Variants in NDRG3 observed in about 807,000 individuals in gnomAD.
NDRG3 encodes the protein protein NDRG3.
NDRG3 carries 23 observed loss-of-function variants against 57.2 expected under a neutral mutation model. That is an observed-to-expected ratio of 0.40 (90% CI 0.29 to 0.57). The LOEUF (loss-of-function observed/expected upper bound fraction) is 0.57. Ranked by LOEUF, NDRG3 falls within the 20% of genes least tolerant of loss-of-function variation. NDRG3 has a pLI of 0.42. For synonymous variants in NDRG3, 132 were observed against 162.6 expected (o/e 0.81, Z 1.43); for missense variants, 384 against 457.3 (o/e 0.84, Z 1.46).
chr20:36,705,733 TTTTC>T (rs941702649), intron 3 of NDRG3, among the ~76,000 whole-genome samples: 22 of 152,036 alleles, frequency 1.4e-4, no homozygotes, highest in African/African-American at 5.3e-4. Context: ...TACTCCCATG[TTTTC>T]TTTTTCTTAT....
At chr20:36,682,615 C>T in intron 6 of NDRG3, 37 bp from the exon 7 acceptor site, 1 of 1,574,536 alleles carries the variant, frequency 6.4e-7, no homozygotes, top group Non-Finnish European at 8.7e-7. Flanking sequence ...ACAGAGTCAA[C>T]TTCATTTGCA....
At position 36,666,497 on chromosome 20, in the gene NDRG3, G is replaced by A; in HGVS notation, c.589-105C>T. The A allele has an allele frequency of 3.8e-6, 3 of 779,440 alleles. No homozygotes were observed. In the South Asian group the frequency reaches 4.5e-5, roughly 12 times the overall value. 48.3% of individuals were successfully genotyped at this position (779,440 alleles called of 1,614,324 possible). A position where few individuals can be genotyped will look rare whatever the true frequency, so the allele number is the denominator to read the frequency against. The stretch of plus-strand genomic sequence containing the variant: ...CCACAAGCCAAATCGTGCGGCTCAT[G>A]ATGGGAACTGGGGCAGAGCCTGGGG... On this transcript the variant is annotated intron_variant, in intron 9 of 15. Transcript: ENST00000349004.
intron 6 of NDRG3, among the ~76,000 whole-genome samples, chr20:36,683,625 T>C (rs6065174): frequency 0.26 from 38,799 of 148,198 alleles, 6,279 homozygotes; most frequent in East Asian, 0.53. Flanking sequence ...TCAAAACAAA[T>C]AAATAAATAA....
intron 13 of NDRG3, among the ~76,000 whole-genome samples, chr20:36,660,104 A>G (rs748528014): frequency 7.9e-5 from 12 of 151,828 alleles, no homozygotes; most frequent in Non-Finnish European, 1.6e-4. Context: ...GCTACTCAGG[A>G]GGCTGACGCA....
chr20:36,698,740 T>G (rs556099855), intron 3 of NDRG3, among the ~76,000 whole-genome samples: 1 of 152,142 alleles, frequency 6.6e-6, no homozygotes, highest in East Asian at 1.9e-4. Flanking sequence ...AATTAATAAA[T>G]GAATTACGAT....
rs1978423450 is a variant in NDRG3, at chr20:36,653,859, G to C, written c.947-158C>G. On this transcript the variant is annotated intron_variant, in intron 15 of 15. Transcript: ENST00000349004. The surrounding 1 kb of genome is among the most constrained non-coding windows in gnomAD (Gnocchi z 4.2). ...TCCCCATTTTGTATCATTTGCTCTA[G>C]GTGAGTGGCGATATGTGAGGCCACT... Among the ~76,000 whole-genome samples, 1 of 152,160 alleles carries C rather than the reference G, an allele frequency of 6.6e-6. No homozygotes were observed. Among genetic ancestry groups the C allele is most frequent in the Admixed American group, 6.5e-5 (1 of 15,270 alleles).
Position 36,693,105 on chromosome 20 carries a change from AATATATATATAT to A in NDRG3, c.94-4333_94-4322del, listed in dbSNP as rs1290033865. The stretch of plus-strand genomic sequence containing the variant: ...AAAAAAAAAAAAAAAAAAAAAAAAA[AATATATATATAT>A]ATATATATATATATATATATATATA... On this transcript the variant is annotated intron_variant, in intron 3 of 15. Coordinates refer to ENST00000349004, the MANE Select transcript of NDRG3 (RefSeq NM_032013.4). Among the ~76,000 whole-genome samples, 81 of 25,850 alleles carry A rather than the reference AATATATATATAT, an allele frequency of 3.1e-3. 2 individuals carry two copies. Among genetic ancestry groups the A allele is most frequent in the African/African-American group, 0.012 (77 of 6,478 alleles). 17.0% of individuals were successfully genotyped at this position (25,850 alleles called of 152,430 possible). A position where few individuals can be genotyped will look rare whatever the true frequency, so the allele number is the denominator to read the frequency against.
Position 36,673,178 on chromosome 20 carries a change from A to G in NDRG3, c.532-1781T>C, listed in dbSNP as rs547891128. Among the ~76,000 whole-genome samples the G allele has an allele frequency of 2.0e-5, 3 of 152,264 alleles. No individual in the cohort carries two copies. The South Asian group carries it at 6.2e-4, about 32-fold the overall frequency. The stretch of plus-strand genomic sequence containing the variant: ...TGCGCCCAGCCAGGACATATTTTAA[A>G]TAAGCCAGGCTGTGAGAAGGAATTT... On this transcript the variant is annotated intron_variant, in intron 8 of 15. Coordinates refer to ENST00000349004, the MANE Select transcript of NDRG3 (RefSeq NM_032013.4).
Position 36,665,063 on chromosome 20 carries a change from G to C in NDRG3, c.793C>G (p.Pro265Ala), listed in dbSNP as rs1463662995. 1.2e-6 allele frequency: 2 copies of C among 1,614,094 alleles called. No homozygotes were observed. Among genetic ancestry groups the C allele is most frequent in the East Asian group, 4.5e-5 (2 of 44,880 alleles). Residue 265 changes from proline (P) to alanine (A), a missense_variant, in exon 12 of 16, where the codon CCT becomes GCT. By Grantham distance (27) the Pro-to-Ala change is conservative. Transcript: ENST00000349004. ...ATACTTACCACAGCCTCAACTGCAG[G>C]CGAATTGTCCCCTACCACCAGTAAA... ...STLLVVGDNSPAVEAVVECNS... is the reference protein window; with the variant it reads ...STLLVVGDNSAAVEAVVECNS...
intron 9 of NDRG3, chr20:36,668,799 T>G (rs935805957): frequency 3.6e-4 from 55 of 151,334 alleles, no homozygotes; most frequent in South Asian, 2.7e-3. Context: ...TAGTTATATA[T>G]AGAGAGAGAT....
chr20:36,715,195 C>A (rs901679524), intron 2 of NDRG3, among the ~76,000 whole-genome samples: 1 of 151,230 alleles, frequency 6.6e-6, no homozygotes, highest in Admixed American at 6.6e-5. Flanking sequence ...TGAAAAAGTA[C>A]AATTTCCACT....
In NDRG3 at chr20:36,667,252, ATTAT is replaced by A. The variant is rs943171298; in HGVS notation, c.589-864_589-861del. Among the ~76,000 whole-genome samples, 3 of 152,166 alleles carry A rather than the reference ATTAT, an allele frequency of 2.0e-5. No individual in the cohort carries two copies. In the South Asian group the frequency reaches 6.2e-4, roughly 32 times the overall value. ...TGACACTTTATTGATTTAGTAATTC[ATTAT>A]TTATTTTAATCTTTTAAATTTTATT... On this transcript the variant is annotated intron_variant, in intron 9 of 15. Coordinates refer to ENST00000349004, the MANE Select transcript of NDRG3 (RefSeq NM_032013.4).
chr20:36,689,321 C>A (rs962063820), intron 3 of NDRG3, among the ~76,000 whole-genome samples: 9 of 152,154 alleles, frequency 5.9e-5, no homozygotes, highest in African/African-American at 2.2e-4. Flanking sequence ...CCAAAGCTCA[C>A]TTACGAGCCC....
intron 15 of NDRG3, among the ~76,000 whole-genome samples, chr20:36,655,030 C>A (rs1978536140): frequency 6.6e-6 from 1 of 152,218 alleles, no homozygotes; most frequent in Non-Finnish European, 1.5e-5. Context: ...CTCAACTAGA[C>A]AAAGGCAATT....
chr20:36,680,911 T>G lies in NDRG3; in HGVS notation c.445-9A>C. 1 of 1,612,214 alleles carries G rather than the reference T, an allele frequency of 6.2e-7. No individual in the cohort carries two copies. The highest frequency in any genetic ancestry group is 8.5e-7 in the Non-Finnish European group (1 of 1,178,418). ...AGCTCTGGATGGTTGAGCTGAAAGATGAGGCAAAGACAATAGTATGAAAGC... is the reference window on the plus strand; with the variant it reads ...AGCTCTGGATGGTTGAGCTGAAAGAGGAGGCAAAGACAATAGTATGAAAGC... On this transcript the variant is annotated splice_polypyrimidine_tract_variant and intron_variant, in intron 7 of 15. Transcript: ENST00000349004.
In NDRG3 at chr20:36,739,456, GA is replaced by G. The variant is rs77545191; in HGVS notation, c.-49+6588del. ...AGTGAGACTCCGCCTCAAAAAAAAA[GA>G]AAAAAAAAAAAAAGCTGTCAACTTG... On this transcript the variant is annotated intron_variant, in intron 1 of 15. Transcript: ENST00000349004. Among the ~76,000 whole-genome samples the G allele has an allele frequency of 8.3e-3, 946 of 113,922 alleles. 10 individuals carry two copies. The highest frequency in any genetic ancestry group is 0.028 in the African/African-American group (823 of 29,896). 74.7% of individuals were successfully genotyped at this position (113,922 alleles called of 152,430 possible). A position where few individuals can be genotyped will look rare whatever the true frequency, so the allele number is the denominator to read the frequency against.
rs1359779624 is a variant in NDRG3 at position 36,684,418 on chromosome 20, G to A, written c.378C>T (p.His126=). ...LAEMLPPVLT[H]LSLKSIIGIG... Reference sequence around the variant, plus strand: ...AGACTGCAGAATGAACCTACCTTAGGTGGGTAAGAACAGGAGGCAGCATTT... The same window carrying A: ...AGACTGCAGAATGAACCTACCTTAGATGGGTAAGAACAGGAGGCAGCATTT... The change falls in exon 6 of 16, where the codon CAC becomes CAT. Residue 126 remains histidine, a synonymous_variant. Coordinates refer to ENST00000349004, the MANE Select transcript of NDRG3 (RefSeq NM_032013.4). 6.2e-7 allele frequency: 1 copy of A among 1,613,664 alleles called. No individual in the cohort carries two copies. Among genetic ancestry groups the A allele is most frequent in the South Asian group, 1.1e-5 (1 of 91,064 alleles).
intron 1 of NDRG3, among the ~76,000 whole-genome samples, chr20:36,737,989 A>G (rs1985694168): frequency 6.7e-6 from 1 of 149,574 alleles, no homozygotes; most frequent in South Asian, 2.1e-4. Flanking sequence ...GCTTGAACCT[A>G]GGGGGTGGAG....
intron 8 of NDRG3, among the ~76,000 whole-genome samples, chr20:36,674,886 ATTTTTTTTTTTTTTT>A (rs34146274): frequency 5.0e-5 from 2 of 39,668 alleles, no homozygotes; most frequent in Non-Finnish European, 8.6e-5. Context: ...GCCCAGCCAG[ATTTTTTTTTTTTTTT>A]TTTTTTTTTT....
Sources: gnomAD v4.1 joint callset for allele counts (sites outside exome capture counted in the v4.1 genomes callset) on GRCh38, gnomAD v4.1.1 for gene constraint, Gnocchi (gnomAD v3.1) non-coding constraint, MANE v1.5 for transcripts, NCBI Gene and HGNC (gene_info 2026-07-23, HGNC 2026-07-21) for gene names.